The following NAV1 variants were observed in gnomAD, a reference collection of about 807,000 sequenced individuals.
NAV1 encodes the protein pore membrane and/or filament interacting like protein 3.
Under a neutral mutation model 175.2 loss-of-function variants are expected in NAV1, and 18 were observed. The ratio of observed to expected loss-of-function variants is 0.10; its 90% confidence interval spans 0.07 to 0.15. The LOEUF is 0.15. Among genes scored for constraint, NAV1 ranks in the 10% least tolerant of loss-of-function variants. NAV1 has a pLI of 1.00. For synonymous variants in NAV1, 897 were observed against 978.7 expected (o/e 0.92, Z 1.56); for missense variants, 1,731 against 2,436.6 (o/e 0.71, Z 6.10).
intron 1 of NAV1, among the ~76,000 whole-genome samples, chr1:201,667,424 G>GGGAT (rs1214512749): frequency 2.0e-5 from 3 of 152,120 alleles, no homozygotes; most frequent in African/African-American, 7.2e-5. Flanking sequence ...AGAGCCAGGT[G>GGGAT]GGATCATCAT....
At position 201,694,691 on chromosome 1, in the gene NAV1, C is replaced by CTG. The variant is rs1046349196; in HGVS notation, c.758-18122_758-18121dup. 6.6e-6 allele frequency among the ~76,000 whole-genome samples: 1 copy of CTG among 152,206 alleles called. No homozygotes were observed. Among genetic ancestry groups the CTG allele is most frequent in the Admixed American group, 6.5e-5 (1 of 15,286 alleles). On this transcript the variant is annotated intron_variant, in intron 1 of 29. Coordinates refer to ENST00000367296, the Ensembl canonical transcript of NAV1. This position sits in a 1 kb window ranked among gnomAD's most constrained non-coding sequence, Gnocchi z 4.2. Reference sequence around the variant, plus strand: ...GCCAGGAGCCTGTGTTCTCTGGGCTCTGTGTTCTGTCGGTTGCTTATTCAT... The same window carrying CTG: ...GCCAGGAGCCTGTGTTCTCTGGGCTCTGTGTGTTCTGTCGGTTGCTTATTCAT...
chr1:201,729,613 AT>A (rs1482216564), intron 3 of NAV1, among the ~76,000 whole-genome samples: 1 of 151,210 alleles, frequency 6.6e-6, no homozygotes, highest in Non-Finnish European at 1.5e-5. Context: ...ATCTTAAAAA[AT>A]AACACTTGGT....
At chr1:201,683,397 G>A (rs1670545531) in intron 1 of NAV1, among the ~76,000 whole-genome samples, 1 of 152,128 alleles carries the variant, frequency 6.6e-6, no homozygotes, top group South Asian at 2.1e-4. Flanking sequence ...GTTGGGGGAT[G>A]GGGTGGAGAT....
intron 1 of NAV1, among the ~76,000 whole-genome samples, chr1:201,654,255 C>G (rs1352983388): frequency 6.6e-6 from 1 of 152,148 alleles, no homozygotes; most frequent in Non-Finnish European, 1.5e-5. Context: ...GCCACAGGCC[C>G]CTTCTAGACC....
At chr1:201,675,082 G>A (rs1670195023) in intron 1 of NAV1, among the ~76,000 whole-genome samples, 2 of 150,708 alleles carry the variant, frequency 1.3e-5, no homozygotes, top group South Asian at 4.2e-4. Flanking sequence ...ACCAAGCCAT[G>A]AGGGATCCAC....
exon 14 of NAV1, chr1:201,793,795 A>C: frequency 6.3e-7 from 1 of 1,591,372 alleles, no homozygotes; most frequent in Non-Finnish European, 8.6e-7. Context: ...GTTTCAGGCT[A>C]ATCTGGTGGC....
exon 7 of NAV1, chr1:201,783,678 A>C: frequency 6.2e-7 from 1 of 1,614,112 alleles, no homozygotes; most frequent in Non-Finnish European, 8.5e-7. Flanking sequence ...ATGTACCCCA[A>C]ACTCTCAGGC....
exon 1 of NAV1, chr1:201,648,605 C>T: frequency 7.8e-7 from 1 of 1,281,780 alleles, no homozygotes; most frequent in Non-Finnish European, 9.8e-7. Flanking sequence ...TGCGCTCCCG[C>T]CCCCTGCCCC....
At chr1:201,635,282 C>A (rs571282309) in intron 2 of NAV1, among the ~76,000 whole-genome samples, 2 of 151,958 alleles carry the variant, frequency 1.3e-5, no homozygotes, top group Admixed American at 6.6e-5. Context: ...CCTGACCTCG[C>A]GATCTGCCCG....
At chr1:201,613,049 T>C (rs186720795) in intron 2 of NAV1, among the ~76,000 whole-genome samples, 57 of 152,248 alleles carry the variant, frequency 3.7e-4, no homozygotes, top group African/African-American at 1.2e-3. Context: ...TAAGAAAGCT[T>C]GGAAAGAGAC....
chr1:201,555,687 G>C (rs150979644), intron 1 of NAV1, among the ~76,000 whole-genome samples: 46 of 152,176 alleles, frequency 3.0e-4, no homozygotes, highest in African/African-American at 1.1e-3. Context: ...AGGGAGGGCT[G>C]CTATAAATAG....
chr1:201,758,109 C>A (rs74614793), intron 3 of NAV1, among the ~76,000 whole-genome samples: 1 of 152,224 alleles, frequency 6.6e-6, no homozygotes. Context: ...GTTGCATAGA[C>A]TTCCTTTACA....
At position 201,548,361 on chromosome 1, in the gene NAV1, A is replaced by G. The variant is rs927220304; in HGVS notation, c.-144+9019A>G. Among the ~76,000 whole-genome samples, 6 of 151,992 alleles carry G rather than the reference A, an allele frequency of 3.9e-5. No individual in the cohort carries two copies. The East Asian group carries it at 9.7e-4, about 24-fold the overall frequency. ...CAGCCTGGGAAACCTAGCAAGACTCACCCCCCAATCTGTACAAAACATTAA... is the reference window on the plus strand; with the variant it reads ...CAGCCTGGGAAACCTAGCAAGACTCGCCCCCCAATCTGTACAAAACATTAA... On this transcript the variant is annotated intron_variant, in intron 1 of 33. Coordinates refer to the NAV1 transcript ENST00000685211.
At position 201,696,030 on chromosome 1, in the gene NAV1, G is replaced by A. The variant is rs555805780; in HGVS notation, c.758-16787G>A. ...GCTGAGCGGCTTGCTCCTGGGCATC[G>A]GAAGAAGCGGGGACTGGAATCCAGG... On this transcript the variant is annotated intron_variant, in intron 1 of 29. Coordinates refer to ENST00000367296, the Ensembl canonical transcript of NAV1. Among the ~76,000 whole-genome samples, 365 of 152,332 alleles carry A rather than the reference G, an allele frequency of 2.4e-3. 1 individual carries two copies. The highest frequency in any genetic ancestry group is 3.6e-3 in the Non-Finnish European group (247 of 68,040).
In NAV1 at chr1:201,603,414, C is replaced by T. The variant is rs564886413; in HGVS notation, c.-33+14765C>T. ...AAAATTTACAGGAATGGTTGTTGTA[C>T]GTTTTCATCTGTAACTAGGGTCAGG... On this transcript the variant is annotated intron_variant, in intron 2 of 33. Transcript: ENST00000685211. 2.0e-4 allele frequency among the ~76,000 whole-genome samples: 31 copies of T among 152,276 alleles called. No homozygotes were observed. In the South Asian group the frequency reaches 5.0e-3, roughly 24 times the overall value.
intron 3 of NAV1, among the ~76,000 whole-genome samples, chr1:201,771,925 G>T (rs1354587457): frequency 6.6e-6 from 1 of 152,098 alleles, no homozygotes; most frequent in East Asian, 1.9e-4. Flanking sequence ...CCCAAAGCAA[G>T]GATTACATTT....
At chr1:201,760,815 G>C (rs1674791628) in intron 3 of NAV1, among the ~76,000 whole-genome samples, 1 of 152,128 alleles carries the variant, frequency 6.6e-6, no homozygotes, top group Non-Finnish European at 1.5e-5. Flanking sequence ...CCTCCCACAT[G>C]CTCAAGCCTC....
chr1:201,552,628 A>G (rs1006827001), intron 1 of NAV1, among the ~76,000 whole-genome samples: 5 of 152,142 alleles, frequency 3.3e-5, no homozygotes, highest in Non-Finnish European at 5.9e-5. Flanking sequence ...GGGAATTGTG[A>G]AGATCATCCT....
rs543303387 is a variant in NAV1 at position 201,617,871 on chromosome 1, A to G, written c.-32-4982A>G. Among the ~76,000 whole-genome samples the G allele has an allele frequency of 2.0e-5, 3 of 152,354 alleles. No homozygotes were observed. The South Asian group carries it at 6.2e-4, about 32-fold the overall frequency. On this transcript the variant is annotated intron_variant, in intron 2 of 33. Coordinates refer to the NAV1 transcript ENST00000685211. ...ACATTATTTTATTCAATCTGCTCAGACAGAATATGAGGCAGTAGAGAGTGA... is the reference window on the plus strand; with the variant it reads ...ACATTATTTTATTCAATCTGCTCAGGCAGAATATGAGGCAGTAGAGAGTGA...
Sources: gnomAD v4.1 joint callset for allele counts (sites outside exome capture counted in the v4.1 genomes callset) on GRCh38, gnomAD v4.1.1 for gene constraint, Gnocchi (gnomAD v3.1) non-coding constraint, MANE v1.5 for transcripts, NCBI Gene and HGNC (gene_info 2026-07-23, HGNC 2026-07-21) for gene names.